Variants in GABRG3 observed in about 807,000 individuals in gnomAD.
The protein encoded by GABRG3 is gamma-aminobutyric acid type A receptor subunit gamma3, also known as gamma-aminobutyric acid receptor subunit gamma-3.
A neutral mutation model predicts 48.8 loss-of-function variants in GABRG3; 25 were observed. The ratio of observed to expected loss-of-function variants is 0.51; its 90% CI spans 0.37 to 0.72. The LOEUF (loss-of-function observed/expected upper bound fraction) is 0.72. Ranked by LOEUF, GABRG3 falls within the 30% of genes least tolerant of loss-of-function variation. GABRG3 has a pLI of 0.00. For synonymous variants in GABRG3, 227 were observed against 217.6 expected (o/e 1.04, Z -0.38); for missense variants, 394 against 577.9 (o/e 0.68, Z 3.26).
chr15:27,480,003 C>T (rs967863106), intron 5 of GABRG3, among the ~76,000 whole-genome samples: 1 of 152,158 alleles, frequency 6.6e-6, no homozygotes, highest in Non-Finnish European at 1.5e-5. Context: ...TGACAGTGCC[C>T]GCAGGAGCGG....
At chr15:27,342,410 T>A (rs1219097346) in intron 5 of GABRG3, among the ~76,000 whole-genome samples, 8 of 152,210 alleles carry the variant, frequency 5.3e-5, no homozygotes, top group Non-Finnish European at 1.2e-4. Context: ...TGTCTCTGGC[T>A]GCTGCTAGCA....
At chr15:27,200,982 T>G (rs1888662362) in intron 3 of GABRG3, among the ~76,000 whole-genome samples, 2 of 152,136 alleles carry the variant, frequency 1.3e-5, no homozygotes, top group African/African-American at 4.8e-5. Context: ...CTGCATTCTG[T>G]GTACAGATAC....
chr15:27,386,374 T>C (rs1291251997), intron 5 of GABRG3, among the ~76,000 whole-genome samples: 1 of 152,152 alleles, frequency 6.6e-6, no homozygotes, highest in African/African-American at 2.4e-5. Context: ...CCAAGATGAG[T>C]GACAGCTTAG....
chr15:27,142,386 T>C (rs1359362326), intron 3 of GABRG3, among the ~76,000 whole-genome samples: 1 of 152,144 alleles, frequency 6.6e-6, no homozygotes, highest in Non-Finnish European at 1.5e-5. Context: ...AGTCCCATCT[T>C]ACATGGATGG....
chr15:27,440,088 C>T (rs1453180894), intron 5 of GABRG3, among the ~76,000 whole-genome samples: 6 of 152,230 alleles, frequency 3.9e-5, no homozygotes, highest in Non-Finnish European at 8.8e-5. Context: ...CATCTGCACA[C>T]ACAGTGCTTC....
chr15:27,100,065 A>C (rs1397483625), intron 3 of GABRG3, among the ~76,000 whole-genome samples: 1 of 151,962 alleles, frequency 6.6e-6, no homozygotes, highest in Non-Finnish European at 1.5e-5. Flanking sequence ...AAATACAAAA[A>C]AAATTAGCTG....
intron 3 of GABRG3, among the ~76,000 whole-genome samples, chr15:27,192,194 T>C (rs1259175382): frequency 2.6e-5 from 4 of 152,156 alleles, no homozygotes; most frequent in African/African-American, 9.7e-5. Context: ...AATCTGACAA[T>C]TGTGTGTCTT....
chr15:27,282,236 T>C (rs1447628753), intron 3 of GABRG3, among the ~76,000 whole-genome samples: 1 of 152,198 alleles, frequency 6.6e-6, no homozygotes, highest in Non-Finnish European at 1.5e-5. Context: ...TTTGCTCAGC[T>C]TCTTTAACTG....
intron 3 of GABRG3, among the ~76,000 whole-genome samples, chr15:27,173,049 A>G (rs1887625326): frequency 2.0e-5 from 3 of 152,280 alleles, no homozygotes; most frequent in Admixed American, 2.0e-4. Context: ...AATGCACTTA[A>G]ACAAACATTC....
intron 3 of GABRG3, among the ~76,000 whole-genome samples, chr15:27,162,566 A>G (rs1426123807): frequency 1.3e-5 from 2 of 151,986 alleles, no homozygotes; most frequent in Non-Finnish European, 2.9e-5. Context: ...GCAGTAATGG[A>G]TATCAATGGT....
rs981133823 is a variant in GABRG3, at chr15:27,410,135, A to C, written c.575-70515A>C. On this transcript the variant is annotated intron_variant, in intron 5 of 9. Transcript: ENST00000615808. ...AGTTTCAGTTATAAGTAGATATTAA[A>C]TTTGTCAAAAGCATTTATCTATCAA... Among the ~76,000 whole-genome samples, 3 of 152,160 alleles carry C rather than the reference A, an allele frequency of 2.0e-5. No homozygotes were observed. In the South Asian group the frequency reaches 6.2e-4, roughly 31 times the overall value.
At chr15:27,316,124 CCTGTAATCCCA>C in intron 3 of GABRG3, among the ~76,000 whole-genome samples, 1 of 152,268 alleles carries the variant, frequency 6.6e-6, no homozygotes, top group South Asian at 2.1e-4. Context: ...GTGGCTCACG[CCTGTAATCCCA>C]GCACTTTGGG....
At chr15:27,359,295 G>A (rs74004993) in intron 5 of GABRG3, among the ~76,000 whole-genome samples, 5,577 of 152,324 alleles carry the variant, frequency 0.037, 341 homozygotes, top group African/African-American at 0.13. Context: ...GCAGGCACAA[G>A]CTGCTTTGCT....
intron 3 of GABRG3, among the ~76,000 whole-genome samples, chr15:27,064,864 G>A (rs1566925125): frequency 6.6e-6 from 1 of 152,188 alleles, no homozygotes; most frequent in Admixed American, 6.5e-5. Flanking sequence ...GAAAAATCAG[G>A]ACTGAGTCCC....
intron 3 of GABRG3, among the ~76,000 whole-genome samples, chr15:27,307,112 TATATAA>T (rs1892591032): frequency 7.9e-6 from 1 of 125,812 alleles, no homozygotes; most frequent in African/African-American, 3.6e-5. Flanking sequence ...AACATGTTTA[TATATAA>T]ACATAATATA....
chr15:27,413,391 G>T (rs1887854887), intron 5 of GABRG3, among the ~76,000 whole-genome samples: 1 of 147,592 alleles, frequency 6.8e-6, no homozygotes, highest in Non-Finnish European at 1.5e-5. Flanking sequence ...ACTAGAATTA[G>T]AGATATTAGA....
chr15:27,196,023 T>A (rs1888486464), intron 3 of GABRG3, among the ~76,000 whole-genome samples: 1 of 152,160 alleles, frequency 6.6e-6, no homozygotes, highest in Non-Finnish European at 1.5e-5. Flanking sequence ...ATATACTTTT[T>A]TCACAGGCAT....
chr15:26,977,535 TA>T (rs1473148520), intron 2 of GABRG3, among the ~76,000 whole-genome samples: 11 of 152,392 alleles, frequency 7.2e-5, no homozygotes, highest in African/African-American at 1.4e-4. Context: ...TATTTTTATT[TA>T]TTTTTTTGTC....
In GABRG3 at chr15:27,481,088, G is replaced by A. The variant is rs896602774; in HGVS notation, c.712+301G>A. On this transcript the variant is annotated intron_variant, in intron 6 of 9. Coordinates refer to ENST00000615808, the MANE Select transcript of GABRG3 (RefSeq NM_033223.5). ...TTACATAAACCAATTTTGCTGATGG[G>A]GAGAGTTCTGCAAATTTCCACGTAC... is the stretch of plus-strand genomic sequence containing the variant. The A allele has an allele frequency of 1.7e-4, 200 of 1,152,588 alleles. 1 individual carries two copies. Among genetic ancestry groups the A allele is most frequent in the Admixed American group, 1.3e-4 (3 of 22,982 alleles). 71.4% of individuals were successfully genotyped at this position (1,152,588 alleles called of 1,614,324 possible).
Sources: gnomAD v4.1 joint callset for allele counts (sites outside exome capture counted in the v4.1 genomes callset) on GRCh38, gnomAD v4.1.1 for gene constraint, MANE v1.5 for transcripts, NCBI Gene and HGNC (gene_info 2026-07-23, HGNC 2026-07-21) for gene names.